CECR2: variants seen among roughly 807,000 people sequenced by gnomAD.
The protein encoded by CECR2 is chromatin remodeling regulator CECR2.
A neutral mutation model predicts 154.5 loss-of-function variants in CECR2; 30 were observed. The ratio of observed to expected loss-of-function variants is 0.19; its 90% CI spans 0.15 to 0.26. The LOEUF (loss-of-function observed/expected upper bound fraction) is 0.26. CECR2 is among the 10% of genes least tolerant of loss of function. CECR2 has a pLI of 1.00. For missense variants in CECR2, 1,743 were observed against 1,829.3 expected (o/e 0.95, Z 0.86); for synonymous variants, 725 against 683.7 (o/e 1.06, Z -0.94).
At chr22:17,468,664 AC>A (rs1472645757) in intron 1 of CECR2, among the ~76,000 whole-genome samples, 1 of 152,082 alleles carries the variant, frequency 6.6e-6, no homozygotes, top group East Asian at 1.9e-4. Flanking sequence ...CAGAGCAAGA[AC>A]CCTGTCTCTC....
intron 8 of CECR2, among the ~76,000 whole-genome samples, chr22:17,516,459 T>C (rs2056058057): frequency 6.6e-6 from 1 of 152,178 alleles, no homozygotes; most frequent in African/African-American, 2.4e-5. Context: ...GGTTTGGCTC[T>C]GTGTCCCCAC....
chr22:17,515,181 G>GA (rs772978252), intron 8 of CECR2, among the ~76,000 whole-genome samples: 5 of 152,200 alleles, frequency 3.3e-5, no homozygotes, highest in African/African-American at 7.2e-5. Flanking sequence ...GCTGATGAAA[G>GA]AAAAAAGGCC....
intron 1 of CECR2, among the ~76,000 whole-genome samples, chr22:17,377,775 T>C: frequency 6.6e-6 from 1 of 152,174 alleles, no homozygotes; most frequent in Non-Finnish European, 1.5e-5. Flanking sequence ...CTAACAAATA[T>C]CAGTCAATTT....
chr22:17,379,348 C>T, intron 1 of CECR2, among the ~76,000 whole-genome samples: 1 of 152,148 alleles, frequency 6.6e-6, no homozygotes, highest in East Asian at 1.9e-4. Context: ...CTAACTGAGG[C>T]TGATAAAGAA....
intron 9 of CECR2, among the ~76,000 whole-genome samples, chr22:17,530,642 A>C (rs2146987079): frequency 6.6e-6 from 1 of 151,614 alleles, no homozygotes; most frequent in East Asian, 2.0e-4. Context: ...ATGCCACTGC[A>C]TTCCAGCCTG....
intron 9 of CECR2, among the ~76,000 whole-genome samples, chr22:17,529,558 G>T (rs1371920241): frequency 3.3e-5 from 5 of 151,916 alleles, no homozygotes. Flanking sequence ...AAATTAGCCA[G>T]GCGTGGTGGC....
At position 17,471,574 on chromosome 22, in the gene CECR2, G is replaced by A. The variant is rs527720480; in HGVS notation, c.127-6014G>A. On this transcript the variant is annotated intron_variant, in intron 1 of 18. Transcript: ENST00000262608. ...GTTTCTGAGACACTCTGGCTCTGTC[G>A]CCCAGGTTAGAATGCAGTGGGTGTG... is the stretch of plus-strand genomic sequence containing the variant. Among the ~76,000 whole-genome samples the A allele has an allele frequency of 2.4e-3, 366 of 152,150 alleles. 2 individuals are homozygous for A. The highest frequency in any genetic ancestry group is 8.4e-3 in the African/African-American group (349 of 41,484).
intron 1 of CECR2, among the ~76,000 whole-genome samples, chr22:17,411,648 G>T (rs551798336): frequency 3.9e-5 from 6 of 152,230 alleles, no homozygotes; most frequent in African/African-American, 1.4e-4. Flanking sequence ...TGGCACCTTG[G>T]TCCTTGTTTT....
intron 1 of CECR2, among the ~76,000 whole-genome samples, chr22:17,398,442 G>A (rs918287877): frequency 2.0e-5 from 3 of 152,174 alleles, no homozygotes; most frequent in African/African-American, 4.8e-5. Context: ...TTTAATTTGA[G>A]TTATGCAGTA....
At chr22:17,388,822 AT>A (rs969668711) in intron 1 of CECR2, among the ~76,000 whole-genome samples, 2 of 150,500 alleles carry the variant, frequency 1.3e-5, no homozygotes, top group Non-Finnish European at 3.0e-5. Context: ...TTATTTTAGT[AT>A]TTTTTTTTGA....
chr22:17,420,121 T>G (rs545383335), intron 1 of CECR2, among the ~76,000 whole-genome samples: 6 of 152,232 alleles, frequency 3.9e-5, no homozygotes, highest in Non-Finnish European at 8.8e-5. Flanking sequence ...GGGGGGTTGG[T>G]CTACATAGTA....
At chr22:17,437,772 A>G (rs1017944307) in intron 1 of CECR2, among the ~76,000 whole-genome samples, 2 of 152,180 alleles carry the variant, frequency 1.3e-5, no homozygotes, top group Non-Finnish European at 2.9e-5. Context: ...ATGCAAGGTG[A>G]GCATCACTGC....
At chr22:17,482,604 G>A (rs1021210314) in intron 2 of CECR2, among the ~76,000 whole-genome samples, 1 of 151,792 alleles carries the variant, frequency 6.6e-6, no homozygotes, top group African/African-American at 2.4e-5. Flanking sequence ...TGCAGTCTTG[G>A]CTCCCTGCAA....
chr22:17,515,022 C>CAAAA (rs913316044), intron 8 of CECR2, among the ~76,000 whole-genome samples: 1 of 83,138 alleles, frequency 1.2e-5, no homozygotes, highest in Admixed American at 1.4e-4. Context: ...GACTCCGTCT[C>CAAAA]AAAAAAAAAA....
upstream of CECR2, among the ~76,000 whole-genome samples, chr22:17,368,351 C>A (rs1366646260): frequency 1.3e-5 from 2 of 152,132 alleles, no homozygotes; most frequent in Non-Finnish European, 2.9e-5. Flanking sequence ...GGGGGACGCA[C>A]CAGGAGCAGT....
chr22:17,442,390 A>G (rs187172195), intron 1 of CECR2, among the ~76,000 whole-genome samples: 228 of 151,988 alleles, frequency 1.5e-3, no homozygotes, highest in African/African-American at 5.2e-3. Flanking sequence ...ACATAGCGAG[A>G]CCCCCATTTC....
intron 1 of CECR2, among the ~76,000 whole-genome samples, chr22:17,394,380 A>AT (rs1043648269): frequency 1.6e-3 from 238 of 147,548 alleles, no homozygotes; most frequent in African/African-American, 4.9e-3. Context: ...GTTTTTTTCT[A>AT]TTTTTTTTTG....
chr22:17,512,115 G>C (rs567714852), intron 8 of CECR2, among the ~76,000 whole-genome samples: 1 of 152,262 alleles, frequency 6.6e-6, no homozygotes, highest in Non-Finnish European at 1.5e-5. Flanking sequence ...GGGATGGTAG[G>C]CATGTCCACA....
Position 17,382,170 on chromosome 22 carries a change from G to A in CECR2, c.126+12261G>A, listed in dbSNP as rs112011994. On this transcript the variant is annotated intron_variant, in intron 1 of 18. Coordinates refer to ENST00000262608, the MANE Select transcript of CECR2 (RefSeq NM_001290047.2). Reference sequence around the variant, plus strand: ...CTCCCAAAGTGCTGGGATTACAGGCGTGAGCCACTGTGCCCGGCCAGAGAG... The same window carrying A: ...CTCCCAAAGTGCTGGGATTACAGGCATGAGCCACTGTGCCCGGCCAGAGAG... Among the ~76,000 whole-genome samples, 499 of 151,926 alleles carry A rather than the reference G, an allele frequency of 3.3e-3. 3 individuals are homozygous for A. Among genetic ancestry groups the A allele is most frequent in the Middle Eastern group, 0.01 (3 of 294 alleles).
Sources: gnomAD v4.1 joint callset for allele counts (sites outside exome capture counted in the v4.1 genomes callset) on GRCh38, gnomAD v4.1.1 for gene constraint, MANE v1.5 for transcripts, NCBI Gene and HGNC (gene_info 2026-07-23, HGNC 2026-07-21) for gene names.